Variants in ASCC3 observed in about 807,000 individuals in gnomAD.
The protein encoded by ASCC3 is ASC-1 complex subunit P200.
Under a neutral mutation model 256.3 loss-of-function variants are expected in ASCC3, and 158 were observed. That is an observed-to-expected ratio of 0.62 (90% CI 0.54 to 0.70). The LOEUF is 0.70. Ranked by LOEUF, ASCC3 falls within the 30% of genes least tolerant of loss-of-function variation. ASCC3 has a pLI of 0.00. For synonymous variants in ASCC3, 948 were observed against 883.4 expected (o/e 1.07, Z -1.30); for missense variants, 2,259 against 2,626.0 (o/e 0.86, Z 3.05).
chr6:100,762,550 A>G (rs909719178), intron 10 of ASCC3, among the ~76,000 whole-genome samples: 1 of 152,234 alleles, frequency 6.6e-6, no homozygotes, highest in African/African-American at 2.4e-5. Context: ...GGTGTTTTTC[A>G]AAGTTGCACA....
rs779765121 is a variant in ASCC3 at position 100,606,755 on chromosome 6, C to T, written c.5029G>A (p.Asp1677Asn). Residue 1677 changes from aspartate to asparagine, a missense_variant, in exon 32 of 42, where the codon GAT becomes AAT. Physicochemically the swap from Asp to Asn is conservative, Grantham distance 23 (BLOSUM62 1). Around this residue, in one of 2 missense-constraint regions of ASCC3, gnomAD observed 1,839 missense variants for 2,206.7 expected, o/e 0.83. Coordinates refer to ENST00000369162, the MANE Select transcript of ASCC3 (RefSeq NM_006828.4). The stretch of plus-strand genomic sequence containing the variant: ...AGAAAATTACCTGTAATGGGAAAAT[C>T]CACATAACGTCTTGTTTTTCCATCA... ...YYDGKTRRYV[D>N]FPITDVLQMM... The T allele has an allele frequency of 6.9e-6, 11 of 1,603,148 alleles. No individual in the cohort carries two copies. The Admixed American group carries it at 1.9e-4, about 27-fold the overall frequency.
intron 10 of ASCC3, among the ~76,000 whole-genome samples, chr6:100,764,316 G>A (rs2115124418): frequency 6.6e-6 from 1 of 152,294 alleles, no homozygotes; most frequent in East Asian, 1.9e-4. Context: ...GGGTTTTAAA[G>A]AATGGGCAAG....
At chr6:100,521,090 A>G (rs955404898) in intron 37 of ASCC3, among the ~76,000 whole-genome samples, 1 of 152,198 alleles carries the variant, frequency 6.6e-6, no homozygotes, top group African/African-American at 2.4e-5. Flanking sequence ...TTGTAACAAC[A>G]TTCTGCCTAA....
rs192397691 is a variant in ASCC3, at chr6:100,512,620, C to T, written c.6285+89G>A. The T allele has an allele frequency of 1.1e-3, 1,493 of 1,318,916 alleles. 8 individuals carry two copies. The highest frequency in any genetic ancestry group is 6.3e-3 in the Middle Eastern group (35 of 5,530). 81.7% of individuals were successfully genotyped at this position (1,318,916 alleles called of 1,614,324 possible). On this transcript the variant is annotated intron_variant, in intron 40 of 41. Coordinates refer to ENST00000369162, the MANE Select transcript of ASCC3 (RefSeq NM_006828.4). Reference sequence around the variant, plus strand: ...GAGAAAGCAGGATTCATGAATGACACGGGCACATTAGTCACATAACAGATA... The same window carrying T: ...GAGAAAGCAGGATTCATGAATGACATGGGCACATTAGTCACATAACAGATA...
At chr6:100,742,292 C>A (rs1780473349) in intron 10 of ASCC3, among the ~76,000 whole-genome samples, 1 of 151,844 alleles carries the variant, frequency 6.6e-6, no homozygotes, top group African/African-American at 2.4e-5. Context: ...CCTGAACGTG[C>A]CTGAAGGAGG....
intron 24 of ASCC3, among the ~76,000 whole-genome samples, chr6:100,642,143 C>T (rs1387969837): frequency 2.0e-5 from 3 of 149,532 alleles, no homozygotes; most frequent in South Asian, 4.2e-4. Context: ...TGCACATGTA[C>T]CCTAAAAGTT....
rs188423953 is a variant in ASCC3, at chr6:100,614,944, T to C, written c.4786-7856A>G. 3.9e-5 allele frequency among the ~76,000 whole-genome samples: 6 copies of C among 152,304 alleles called. No homozygotes were observed. In the East Asian group the frequency reaches 1.2e-3, roughly 29 times the overall value. On this transcript the variant is annotated intron_variant, in intron 30 of 41. Coordinates refer to ENST00000369162, the MANE Select transcript of ASCC3 (RefSeq NM_006828.4). ...TTACCTTTTTCAACTATCTTCATGA[T>C]TGAGAATGGCACAGCTCCTGTTGTT...
At chr6:100,511,767 A>G (rs1773775474) in intron 40 of ASCC3, among the ~76,000 whole-genome samples, 1 of 152,140 alleles carries the variant, frequency 6.6e-6, no homozygotes, top group African/African-American at 2.4e-5. Context: ...ATCAGTTAAT[A>G]CTTACACTGA....
chr6:100,784,947 C>A (rs937328027), intron 8 of ASCC3, among the ~76,000 whole-genome samples: 3 of 151,844 alleles, frequency 2.0e-5, no homozygotes, highest in African/African-American at 7.2e-5. Context: ...CCCTCTTTTT[C>A]ATTCTGTAAT....
intron 38 of ASCC3, 119 bp from the exon 39 acceptor site, chr6:100,516,446 G>C: frequency 7.9e-7 from 1 of 1,260,056 alleles, no homozygotes; most frequent in Non-Finnish European, 1.1e-6. Flanking sequence ...AACATTTTAA[G>C]ACCATTATGC....
intron 36 of ASCC3, among the ~76,000 whole-genome samples, chr6:100,549,070 T>A (rs888234195): frequency 3.3e-5 from 5 of 151,886 alleles, no homozygotes; most frequent in African/African-American, 1.2e-4. Context: ...GCACCTATTT[T>A]TGGATTGTGG....
At chr6:100,765,453 A>C (rs1781608454) in intron 10 of ASCC3, among the ~76,000 whole-genome samples, 1 of 152,202 alleles carries the variant, frequency 6.6e-6, no homozygotes, top group Non-Finnish European at 1.5e-5. Context: ...CTTCATCGGC[A>C]TGATAAAACC....
intron 8 of ASCC3, among the ~76,000 whole-genome samples, chr6:100,781,640 G>A (rs924160210): frequency 6.6e-6 from 1 of 151,104 alleles, no homozygotes; most frequent in African/African-American, 2.4e-5. Context: ...TACCTGCCTC[G>A]GCCTCCCAAA....
At chr6:100,775,713 C>T (rs1038103088) in intron 8 of ASCC3, among the ~76,000 whole-genome samples, 3 of 151,982 alleles carry the variant, frequency 2.0e-5, no homozygotes, top group Admixed American at 6.5e-5. Flanking sequence ...AAACAGCCCA[C>T]GTTTTATACC....
chr6:100,747,341 G>A (rs1032829154), intron 10 of ASCC3, among the ~76,000 whole-genome samples: 1 of 151,986 alleles, frequency 6.6e-6, no homozygotes, highest in Admixed American at 6.6e-5. Context: ...CAGTTCGGTA[G>A]TTTCTCAAAA....
At chr6:100,879,866 T>C (rs1223227717) in intron 1 of ASCC3, among the ~76,000 whole-genome samples, 1 of 152,200 alleles carries the variant, frequency 6.6e-6, no homozygotes, top group African/African-American at 2.4e-5. Flanking sequence ...ATATATACAT[T>C]GACAATAACT....
At chr6:100,644,765 A>G (rs1227100163) in intron 22 of ASCC3, among the ~76,000 whole-genome samples, 1 of 152,184 alleles carries the variant, frequency 6.6e-6, no homozygotes, top group Non-Finnish European at 1.5e-5. Flanking sequence ...GGTAAGGCAG[A>G]GGCACATGAC....
At chr6:100,855,472 T>C (rs1355362912) in intron 3 of ASCC3, among the ~76,000 whole-genome samples, 1 of 152,246 alleles carries the variant, frequency 6.6e-6, no homozygotes, top group Non-Finnish European at 1.5e-5. Flanking sequence ...CTGAATTACC[T>C]ATTTACACAG....
intron 36 of ASCC3, among the ~76,000 whole-genome samples, chr6:100,543,315 G>A (rs1052716409): frequency 4.6e-5 from 7 of 152,006 alleles, no homozygotes; most frequent in Non-Finnish European, 7.4e-5. Flanking sequence ...TACAAATGCA[G>A]CCATTTTTTT....
Sources: allele counts gnomAD v4.1 joint callset (sites outside exome capture counted in the v4.1 genomes callset), GRCh38; gene constraint gnomAD v4.1.1; regional missense constraint gnomAD v4.1.1; transcripts MANE v1.5; gene names NCBI Gene and HGNC (gene_info 2026-07-23, HGNC 2026-07-21).